The following CLEC4E variants were observed in gnomAD, a reference collection of about 807,000 sequenced individuals.
The protein encoded by CLEC4E is C-type (calcium dependent, carbohydrate-recognition domain) lectin, superfamily member 9.
Under a neutral mutation model 24.7 loss-of-function variants are expected in CLEC4E, and 21 were observed. The observed-to-expected ratio is 0.85, with a 90% confidence interval of 0.60 to 1.22. The LOEUF is 1.22. Among genes scored for constraint, CLEC4E ranks in the 50% most tolerant of loss-of-function variants. The pLI is 0.00. For missense variants in CLEC4E, 249 were observed against 254.1 expected (o/e 0.98, Z 0.14); for synonymous variants, 94 against 85.7 (o/e 1.10, Z -0.54).
intron 3 of CLEC4E, among the ~76,000 whole-genome samples, chr12:8,537,777 C>CA (rs1940634551): frequency 6.6e-6 from 1 of 152,180 alleles, no homozygotes; most frequent in Non-Finnish European, 1.5e-5. Context: ...ATAGTTATAC[C>CA]AGATATAGAT....
Position 8,539,265 on chromosome 12 carries a change from G to A in CLEC4E, c.172C>T (p.Gln58Ter), listed in dbSNP as rs143517337. ...IFQTCDEKKF[Q>*]LPENFTELSC... ...AGCTCTGTGAAATTCTCAGGTAGCT[G>A]AAACTTTTTCTCATCACAGGTTTGA... The change falls in exon 3 of 6, where the codon CAG becomes TAG. Residue 58 changes from glutamine (Q) to a stop codon, truncating the protein, a stop_gained. Coordinates refer to ENST00000299663, the MANE Select transcript of CLEC4E (RefSeq NM_014358.4). LOFTEE classifies it high-confidence loss of function. 48 of 1,613,324 alleles carry A rather than the reference G, an allele frequency of 3.0e-5. No homozygotes were observed. The African/African-American group carries it at 5.3e-4, about 18-fold the overall frequency.
In CLEC4E at chr12:8,537,160, T is replaced by C. The variant is rs1940626887; in HGVS notation, c.327A>G (p.Ser109=). The C allele has an allele frequency of 6.2e-7, 1 of 1,614,046 alleles. No homozygotes were observed. Among genetic ancestry groups the C allele is most frequent in the African/African-American group, 1.3e-5 (1 of 74,934 alleles). Residue 109 remains serine (S), a synonymous_variant, in exon 4 of 6, where the codon TCA becomes TCG. Transcript: ENST00000299663. ...TAACCACCAGGTGAGCCCCCATGGC[T>C]GAGCAGTTCTTTAAACTTAACGCCC... is the stretch of plus-strand genomic sequence containing the variant. ...ISWALSLKNC[S]AMGAHLVVIN...
Position 8,534,639 on chromosome 12 carries a change from TA to T in CLEC4E, c.658del (p.Ter220LysfsTer10). ...ACATTTGAGTTGTGCCTTCTGTTCTTAAAGAGATTTTCCTTTGTTCAAAGGA... is the reference window on the plus strand; with the variant it reads ...ACATTTGAGTTGTGCCTTCTGTTCTTAAGAGATTTTCCTTTGTTCAAAGGA... Reference protein sequence around the residue: ...INPLNKGKSL* With the variant: ...INPLNKGKSLX On this transcript the variant is annotated frameshift_variant and stop_lost, in exon 6 of 6. Coordinates refer to ENST00000299663, the MANE Select transcript of CLEC4E (RefSeq NM_014358.4). LOFTEE classifies it high-confidence loss of function. 1.9e-6 allele frequency: 3 copies of T among 1,612,418 alleles called. No individual in the cohort carries two copies. Among genetic ancestry groups the T allele is most frequent in the Non-Finnish European group, 2.5e-6 (3 of 1,178,828 alleles).
At chr12:8,535,684 C>A (rs780706383) in intron 5 of CLEC4E, among the ~76,000 whole-genome samples, 14 of 152,172 alleles carry the variant, frequency 9.2e-5, no homozygotes, top group African/African-American at 2.9e-4. Flanking sequence ...AGCATATCCA[C>A]AATAAAAAAT....
In CLEC4E at chr12:8,534,779, T is replaced by C. The variant is rs1940590769; in HGVS notation, c.519A>G (p.Ile173Met). 6.2e-7 allele frequency: 1 copy of C among 1,613,802 alleles called. No individual in the cohort carries two copies. The highest frequency in any genetic ancestry group is 1.1e-5 in the South Asian group (1 of 91,036). ...SFWDVGEPNN[I>M]ATLEDCATMR... ...TGGTGGCACAGTCCTCCAGGGTAGC[T>C]ATGTTGTTGGGCTCCCCTACATCCC... Residue 173 changes from isoleucine (I) to methionine (M), a missense_variant, in exon 6 of 6, where the codon ATA (isoleucine) becomes ATG (methionine). Coordinates refer to ENST00000299663, the MANE Select transcript of CLEC4E (RefSeq NM_014358.4).
Position 8,536,116 on chromosome 12 carries a change from G to A in CLEC4E, c.462C>T (p.Asp154=), listed in dbSNP as rs375515544. The change falls in exon 5 of 6, where the codon GAC becomes GAT. Residue 154 remains aspartate (D), a synonymous_variant. Transcript: ENST00000299663. The part of the protein sequence containing the change: ...QVVEGQWQWV[D]GTPLTKSLSF... Reference sequence around the variant, plus strand: ...TCAGAGACTTTGTCAAAGGTGTGCCGTCCACCCATTGCCACTGACCCTCGA... The same window carrying A: ...TCAGAGACTTTGTCAAAGGTGTGCCATCCACCCATTGCCACTGACCCTCGA... 3.2e-5 allele frequency: 52 copies of A among 1,612,002 alleles called. No individual in the cohort carries two copies. The highest frequency in any genetic ancestry group is 4.4e-5 in the South Asian group (4 of 91,034).
chr12:8,539,783 A>C, intron 2 of CLEC4E, 72 bp downstream of exon 2: 1 of 943,568 alleles, frequency 1.1e-6, no homozygotes, highest in Non-Finnish European at 1.7e-6. Context: ...GAGAGTCTAC[A>C]GGCAGCATGG....
chr12:8,534,886 A>C (rs976776472), intron 5 of CLEC4E, 77 bp from the exon 6 acceptor site: 11 of 1,227,406 alleles, frequency 9.0e-6, no homozygotes, highest in Non-Finnish European at 1.2e-5. Context: ...GGCAAATTAC[A>C]TTTGTGTTAT....
intron 3 of CLEC4E, 21 bp downstream of exon 3, chr12:8,539,196 T>A: frequency 6.6e-7 from 1 of 1,518,330 alleles, no homozygotes; most frequent in East Asian, 2.3e-5. Context: ...ATTTTGATGT[T>A]CACCTTTGGG....
At chr12:8,538,303 T>G (rs1282981255) in intron 3 of CLEC4E, among the ~76,000 whole-genome samples, 1 of 152,230 alleles carries the variant, frequency 6.6e-6, no homozygotes, top group Non-Finnish European at 1.5e-5. Context: ...GGCTCTGCCT[T>G]CTAGATAGCA....
rs79940141 is a variant in CLEC4E at position 8,539,279 on chromosome 12, T to A, written c.158A>T (p.Asp53Val). The A allele has an allele frequency of 6.2e-7, 1 of 1,612,788 alleles. No individual in the cohort carries two copies. Among genetic ancestry groups the A allele is most frequent in the African/African-American group, 1.3e-5 (1 of 74,954 alleles). The change falls in exon 3 of 6, where the codon GAT becomes GTT. Residue 53 changes from aspartate to valine, a missense_variant. Transcript: ENST00000299663. ...CTCAGGTAGCTGAAACTTTTTCTCA[T>A]CACAGGTTTGAAAGATGCGAAATGT... ...VVTFRIFQTC[D>V]EKKFQLPENF...
chr12:8,535,158 G>A (rs1233377326), intron 5 of CLEC4E, among the ~76,000 whole-genome samples: 7 of 152,078 alleles, frequency 4.6e-5, no homozygotes, highest in Non-Finnish European at 7.4e-5. Context: ...ACCTCATATC[G>A]GCTTAGCTCT....
chr12:8,534,716 A>G lies in CLEC4E; in HGVS notation c.582T>C (p.Asp194=). 1 of 1,614,022 alleles carries G rather than the reference A, an allele frequency of 6.2e-7. No individual in the cohort carries two copies. The highest frequency in any genetic ancestry group is 8.5e-7 in the Non-Finnish European group (1 of 1,179,906). ...GAAAATAATTGAGGAAACAGGTTAC[A>G]TCATTCCAATTTTGCCTTGGGTTTG... The part of the protein sequence containing the change: ...DSSNPRQNWN[D]VTCFLNYFRI... Residue 194 remains aspartate (D), a synonymous_variant, in exon 6 of 6, where the codon GAT becomes GAC. Coordinates refer to ENST00000299663, the MANE Select transcript of CLEC4E (RefSeq NM_014358.4).
At chr12:8,538,948 A>G (rs1940656571) in intron 3 of CLEC4E, 2 of 397,954 alleles carry the variant, frequency 5.0e-6, no homozygotes, top group African/African-American at 2.1e-5. Context: ...TAGGTGAATG[A>G]AAAAAAAGGT....
intron 5 of CLEC4E, among the ~76,000 whole-genome samples, 161 bp downstream of exon 5, chr12:8,535,929 T>C (rs1940605784): frequency 6.6e-6 from 1 of 152,218 alleles, no homozygotes; most frequent in Non-Finnish European, 1.5e-5. Context: ...CTTGAGACAA[T>C]TCCAGGAAAG....
rs757193824 is a variant in CLEC4E at position 8,540,808 on chromosome 12, T to C, written c.-11A>G. 5.0e-6 allele frequency: 8 copies of C among 1,592,102 alleles called. No individual in the cohort carries two copies. Among genetic ancestry groups the C allele is most frequent in the Non-Finnish European group, 6.9e-6 (8 of 1,164,728 alleles). Reference sequence around the variant, plus strand: ...TTTAGATGAATTCATTTTTTCTCTCTCTTTGGTTTTTTGTTTCTCTCTCTC... The same window carrying C: ...TTTAGATGAATTCATTTTTTCTCTCCCTTTGGTTTTTTGTTTCTCTCTCTC... On this transcript the variant is annotated 5_prime_UTR_variant, in exon 1 of 6. Coordinates refer to ENST00000299663, the MANE Select transcript of CLEC4E (RefSeq NM_014358.4).
intron 4 of CLEC4E, among the ~76,000 whole-genome samples, chr12:8,536,893 C>T (rs1268518810): frequency 6.6e-6 from 1 of 152,106 alleles, no homozygotes; most frequent in Non-Finnish European, 1.5e-5. Context: ...TTCCCCTTGC[C>T]TAACTAAAGG....
At chr12:8,536,978 C>T (rs1940623771) in intron 4 of CLEC4E, 137 bp downstream of exon 4, 1 of 731,662 alleles carries the variant, frequency 1.4e-6, no homozygotes, top group Admixed American at 3.6e-5. Flanking sequence ...AGTGACTTTA[C>T]CGAAATAGTA....
chr12:8,533,787 C>T lies in CLEC4E; in HGVS notation c.*851G>A, dbSNP rs911082087. The stretch of plus-strand genomic sequence containing the variant: ...TGATGAAATAATCTGTACAACAAAC[C>T]TCCACGACATGAGTTTACCTATATA... On this transcript the variant is annotated 3_prime_UTR_variant, in exon 6 of 6. Transcript: ENST00000299663. 1.3e-5 allele frequency: 2 copies of T among 152,160 alleles called. No individual in the cohort carries two copies. Among genetic ancestry groups the T allele is most frequent in the East Asian group, 3.8e-4 (2 of 5,198 alleles). The allele number at this position is 152,160 out of a possible 1,614,324, so 9.4% of individuals were successfully genotyped here.
Sources: gnomAD v4.1 joint callset for allele counts (sites outside exome capture counted in the v4.1 genomes callset) on GRCh38, gnomAD v4.1.1 for gene constraint, MANE v1.5 for transcripts, NCBI Gene and HGNC (gene_info 2026-07-23, HGNC 2026-07-21) for gene names.